Variants in PTK2B observed in about 807,000 individuals in gnomAD.
PTK2B encodes the protein protein-tyrosine kinase 2-beta.
A neutral mutation model predicts 142.9 loss-of-function variants in PTK2B; 71 were observed. The ratio of observed to expected loss-of-function variants is 0.50; its 90% CI spans 0.41 to 0.61. The LOEUF (loss-of-function observed/expected upper bound fraction) is 0.61, where lower values mean the gene tolerates loss of function less well. PTK2B is among the 20% of genes least tolerant of loss of function. The pLI is 0.00. For missense variants in PTK2B, 1,105 were observed against 1,320.4 expected, an observed-to-expected ratio of 0.84 and a Z score of 2.53; for synonymous variants, 519 against 503.4, an observed-to-expected ratio of 1.03 and a Z score of -0.42.
intron 23 of PTK2B, among the ~76,000 whole-genome samples, chr8:27,445,593 A>G (rs1174716667): frequency 6.6e-6 from 1 of 152,164 alleles, no homozygotes; most frequent in Non-Finnish European, 1.5e-5. Context: ...GGAATGTTGG[A>G]TGAATGAGAG....
At chr8:27,338,917 C>A (rs1407681245) in intron 1 of PTK2B, among the ~76,000 whole-genome samples, 1 of 152,198 alleles carries the variant, frequency 6.6e-6, no homozygotes, top group Non-Finnish European at 1.5e-5. Context: ...AGCAAGTAAA[C>A]CAATCAAGCA....
chr8:27,348,301 G>T (rs772964080), intron 1 of PTK2B, among the ~76,000 whole-genome samples: 2 of 152,150 alleles, frequency 1.3e-5, no homozygotes, highest in Non-Finnish European at 2.9e-5. Flanking sequence ...GTTTCCAGCC[G>T]TGCGGGAGTA....
intron 1 of PTK2B, among the ~76,000 whole-genome samples, chr8:27,375,535 G>A (rs1202033074): frequency 3.9e-5 from 6 of 152,296 alleles, no homozygotes; most frequent in Middle Eastern, 6.8e-3. Flanking sequence ...GAACATATGT[G>A]TTTCCCTCGA....
chr8:27,361,828 G>A (rs368304077), intron 1 of PTK2B, among the ~76,000 whole-genome samples: 32 of 152,090 alleles, frequency 2.1e-4, no homozygotes, highest in African/African-American at 7.5e-4. Context: ...AAGTCTATCC[G>A]CCCCCCTGCT....
Position 27,459,169 on chromosome 8 carries a change from C to T in PTK2B, c.*660C>T, listed in dbSNP as rs189817494. ...ATCAGGGGGAAGAAGCAGAGAGATG[C>T]GGCCAAGATAGGACCTTGGGCCAAA... On this transcript the variant is annotated 3_prime_UTR_variant, in exon 31 of 31. Coordinates refer to ENST00000346049, the MANE Select transcript of PTK2B (RefSeq NM_173176.3). The T allele has an allele frequency of 3.8e-5, 9 of 236,982 alleles. No homozygotes were observed. Among genetic ancestry groups the T allele is most frequent in the Admixed American group, 1.1e-4 (2 of 18,788 alleles). The allele number at this position is 236,982 out of a possible 1,614,324, so 14.7% of individuals were successfully genotyped here.
intron 2 of PTK2B, among the ~76,000 whole-genome samples, chr8:27,400,838 A>G (rs760975213): frequency 6.6e-6 from 1 of 152,166 alleles, no homozygotes; most frequent in Non-Finnish European, 1.5e-5. Context: ...TCTAGAGACA[A>G]GATTCGGGTG....
At chr8:27,331,630 G>C (rs1803756125) in intron 1 of PTK2B, among the ~76,000 whole-genome samples, 1 of 152,014 alleles carries the variant, frequency 6.6e-6, no homozygotes, top group Admixed American at 6.6e-5. Context: ...GAGATTACAG[G>C]CACCCACCAC....
At chr8:27,385,096 CT>C (rs1330016996) in intron 1 of PTK2B, among the ~76,000 whole-genome samples, 21 of 152,236 alleles carry the variant, frequency 1.4e-4, no homozygotes, top group African/African-American at 5.1e-4. Context: ...TGGGAAGTTA[CT>C]CTGCTCATCC....
intron 1 of PTK2B, among the ~76,000 whole-genome samples, chr8:27,357,096 C>A (rs991403663): frequency 6.6e-6 from 1 of 152,156 alleles, no homozygotes; most frequent in Non-Finnish European, 1.5e-5. Context: ...AAAATGGGAT[C>A]AGGTCTGTAG....
chr8:27,327,151 C>CG (rs1803468729), intron 1 of PTK2B, among the ~76,000 whole-genome samples: 1 of 152,136 alleles, frequency 6.6e-6, no homozygotes, highest in Non-Finnish European at 1.5e-5. Flanking sequence ...CTGGAAGCAG[C>CG]GGGCGGCATC....
intron 1 of PTK2B, among the ~76,000 whole-genome samples, chr8:27,338,913 T>A (rs1371602926): frequency 6.6e-6 from 1 of 152,204 alleles, no homozygotes; most frequent in African/African-American, 2.4e-5. Context: ...TGCAAGCAAG[T>A]AAACCAATCA....
At chr8:27,436,758 G>T (rs1810804498) in intron 15 of PTK2B, among the ~76,000 whole-genome samples, 1 of 152,200 alleles carries the variant, frequency 6.6e-6, no homozygotes, top group Non-Finnish European at 1.5e-5. Context: ...GAAAGAAAGA[G>T]GCAGTAAGAA....
rs73568041 is a variant in PTK2B at position 27,378,372 on chromosome 8, G to T, written c.-37-19176G>T. ...GAAGTATTTTCAGCCAAACAATGAAGAAATAAACCACTTCAGGAGCTGAAC... is the reference window on the plus strand; with the variant it reads ...GAAGTATTTTCAGCCAAACAATGAATAAATAAACCACTTCAGGAGCTGAAC... On this transcript the variant is annotated intron_variant, in intron 1 of 30. Transcript: ENST00000346049. 2.6e-3 allele frequency among the ~76,000 whole-genome samples: 401 copies of T among 152,308 alleles called. 3 individuals carry two copies. The highest frequency in any genetic ancestry group is 9.0e-3 in the African/African-American group (376 of 41,558).
At chr8:27,423,632 C>T (rs1470891463) in intron 5 of PTK2B, among the ~76,000 whole-genome samples, 1 of 152,094 alleles carries the variant, frequency 6.6e-6, no homozygotes, top group African/African-American at 2.4e-5. Context: ...TTATCTGTGA[C>T]CTCATGGTTA....
chr8:27,376,520 T>C (rs1211201220), intron 1 of PTK2B, among the ~76,000 whole-genome samples: 2 of 152,204 alleles, frequency 1.3e-5, no homozygotes, highest in African/African-American at 4.8e-5. Flanking sequence ...AGACCTATTG[T>C]GTTGCATTCC....
intron 1 of PTK2B, among the ~76,000 whole-genome samples, chr8:27,391,817 C>T (rs924959567): frequency 6.6e-6 from 1 of 152,194 alleles, no homozygotes; most frequent in Admixed American, 6.5e-5. Flanking sequence ...AGAAGTTTTC[C>T]TGTTTTAATT....
At chr8:27,451,628 G>T (rs1171171866) in intron 27 of PTK2B, 119 bp downstream of exon 27, 1 of 1,558,914 alleles carries the variant, frequency 6.4e-7, no homozygotes, top group African/African-American at 1.4e-5. Flanking sequence ...CTGCAGCATC[G>T]GCCATGATTT....
intron 7 of PTK2B, 150 bp downstream of exon 7, chr8:27,430,568 G>A: frequency 9.3e-7 from 1 of 1,078,584 alleles, no homozygotes; most frequent in Non-Finnish European, 1.4e-6. Context: ...GTACCCAGGG[G>A]TCCTCTCTGG....
At position 27,437,771 on chromosome 8, in the gene PTK2B, C is replaced by T; in HGVS notation, c.1534C>T (p.His512Tyr). The T allele has an allele frequency of 6.2e-7, 1 of 1,610,710 alleles. No homozygotes were observed. Among genetic ancestry groups the T allele is most frequent in the South Asian group, 1.1e-5 (1 of 90,022 alleles). ...CACCTCCCCATTCCTGCAGCTGGGCCACTACCTGGAGCGGAACAAGAACTC... is the reference window on the plus strand; with the variant it reads ...CACCTCCCCATTCCTGCAGCTGGGCTACTACCTGGAGCGGAACAAGAACTC... ...MELYPYGELG[H>Y]YLERNKNSLK... Residue 512 changes from histidine to tyrosine, a missense_variant, in exon 18 of 31, where the codon CAC (histidine) becomes TAC (tyrosine). His to Tyr is a moderately conservative substitution (Grantham distance 83, BLOSUM62 2). Transcript: ENST00000346049.
Sources: gnomAD v4.1 joint callset for allele counts (sites outside exome capture counted in the v4.1 genomes callset) on GRCh38, gnomAD v4.1.1 for gene constraint, MANE v1.5 for transcripts, NCBI Gene and HGNC (gene_info 2026-07-23, HGNC 2026-07-21) for gene names.